The following KNL1 variants were observed in gnomAD, a reference collection of about 807,000 sequenced individuals.
The protein encoded by KNL1 is kinetochore scaffold 1.
In KNL1, 66 loss-of-function variants were observed where a neutral mutation model predicts 201.3. The observed-to-expected ratio is 0.33, with a 90% CI of 0.27 to 0.40. The LOEUF (loss-of-function observed/expected upper bound fraction) is 0.40, where lower values mean the gene tolerates loss of function less well. Among genes scored for constraint, KNL1 ranks in the 10% least tolerant of loss-of-function variants. KNL1 has a pLI of 1.00. For missense variants in KNL1, 2,815 were observed against 2,690.5 expected (o/e 1.05, Z -1.02); for synonymous variants, 895 against 899.2 (o/e 1.00, Z 0.08).
rs762937545 is a variant in KNL1, at chr15:40,622,084, G to C, written c.1820G>C (p.Ser607Thr). Reference protein sequence around the residue: ...STSESHSQSKSSSDECEEITK... With the variant: ...STSESHSQSKTSSDECEEITK... ...AGTGAATCTCACTCTCAGAGCAAAA[G>C]CTCTTCAGATGAATGTGAAGAAATT... Residue 607 changes from serine to threonine, a missense_variant, in exon 10 of 26, where the codon AGC (serine) becomes ACC (threonine). Ser to Thr is a moderately conservative substitution (Grantham distance 58, BLOSUM62 1). Coordinates refer to ENST00000399668, the MANE Select transcript of KNL1 (RefSeq NM_144508.5). The C allele has an allele frequency of 3.1e-6, 5 of 1,613,914 alleles. No homozygotes were observed. Among genetic ancestry groups the C allele is most frequent in the Non-Finnish European group, 4.2e-6 (5 of 1,179,968 alleles).
rs1307342006 is a variant in KNL1, at chr15:40,657,378, A to G, written c.6618A>G (p.Val2206=). The G allele has an allele frequency of 2.5e-6, 4 of 1,594,042 alleles. No homozygotes were observed. The South Asian group carries it at 4.4e-5, about 18-fold the overall frequency. The change falls in exon 24 of 26, where the codon GTA becomes GTG. Residue 2206 remains valine, a synonymous_variant. Coordinates refer to ENST00000399668, the MANE Select transcript of KNL1 (RefSeq NM_144508.5). ...LPKMLEEFSL[V]VHHCRLLGEE... Reference sequence around the variant, plus strand: ...AGATGCTTGAAGAATTCTCACTGGTAGTGCACCATTGCAGACTCCTTGGAG... The same window carrying G: ...AGATGCTTGAAGAATTCTCACTGGTGGTGCACCATTGCAGACTCCTTGGAG...
In KNL1 at chr15:40,628,669, C is replaced by A; in HGVS notation, c.5574C>A (p.Ser1858Arg). 1 of 1,581,824 alleles carries A rather than the reference C, an allele frequency of 6.3e-7. No individual in the cohort carries two copies. Among genetic ancestry groups the A allele is most frequent in the Non-Finnish European group, 8.6e-7 (1 of 1,158,942 alleles). The change falls in exon 12 of 26, where the codon AGC (serine) becomes AGA (arginine). Residue 1858 changes from serine to arginine, a missense_variant. Ser to Arg is a moderately radical substitution (Grantham distance 110). Around this residue, in one of 3 missense-constraint regions of KNL1, gnomAD observed 2,464 missense variants for 2,291.7 expected, o/e 1.08. Transcript: ENST00000399668. ...TCAGAGATACTATTTGTGAAGAGAGCTTGAGGGAGGTATGTTAAAATTCTT... is the reference window on the plus strand; with the variant it reads ...TCAGAGATACTATTTGTGAAGAGAGATTGAGGGAGGTATGTTAAAATTCTT... ...QFLRDTICEE[S>R]LREKLQDGRI... is the part of the protein sequence containing the mutation.
intron 14 of KNL1, 111 bp from the exon 15 acceptor site, chr15:40,644,886 C>T: frequency 1.6e-6 from 1 of 612,990 alleles, no homozygotes; most frequent in South Asian, 2.0e-5. Flanking sequence ...GTTCAAAGTA[C>T]AGGTCTTTTT....
chr15:40,599,120 A>AT (rs942727238), intron 1 of KNL1, among the ~76,000 whole-genome samples: 1 of 151,444 alleles, frequency 6.6e-6, no homozygotes, highest in African/African-American at 2.4e-5. Context: ...GAAAAAAAAA[A>AT]TTTTTTTTAA....
At chr15:40,649,290 T>C (rs1458732711) in intron 17 of KNL1, among the ~76,000 whole-genome samples, 2 of 152,032 alleles carry the variant, frequency 1.3e-5, no homozygotes, top group African/African-American at 4.8e-5. Flanking sequence ...CATTGCTATT[T>C]TTATGCAGTT....
chr15:40,662,915 AT>A lies in KNL1; in HGVS notation c.*729del, dbSNP rs1893950978. ...GCAGAGGTTGCAGTAAGCCGAGACC[AT>A]TCCACTGCACTCCAGCCTAGGCAAC... On this transcript the variant is annotated 3_prime_UTR_variant, in exon 26 of 26. Transcript: ENST00000399668. 1.1e-5 allele frequency: 2 copies of A among 180,364 alleles called. No individual in the cohort carries two copies. The highest frequency in any genetic ancestry group is 2.4e-5 in the Non-Finnish European group (2 of 84,478). 11.2% of individuals were successfully genotyped at this position (180,364 alleles called of 1,614,324 possible).
At position 40,664,154 on chromosome 15, in the gene KNL1, G is replaced by A. The variant is rs75767222; in HGVS notation, c.*1966G>A. 0.011 allele frequency: 2,076 copies of A among 183,184 alleles called. 43 individuals carry two copies. The highest frequency in any genetic ancestry group is 0.046 in the African/African-American group (1,943 of 42,620). The allele number at this position is 183,184 out of a possible 1,614,324, so 11.3% of individuals were successfully genotyped here. A position where few individuals can be genotyped will look rare whatever the true frequency, so the allele number is the denominator to read the frequency against. Reference sequence around the variant, plus strand: ...ACCTGCAACAACCAACTCTAAAAAAGATTTGGCTTGTAATGACGGTCTCTG... The same window carrying A: ...ACCTGCAACAACCAACTCTAAAAAAAATTTGGCTTGTAATGACGGTCTCTG... On this transcript the variant is annotated 3_prime_UTR_variant, in exon 26 of 26. Coordinates refer to ENST00000399668, the MANE Select transcript of KNL1 (RefSeq NM_144508.5).
At position 40,620,950 on chromosome 15, in the gene KNL1, C is replaced by G. The variant is rs1425781150; in HGVS notation, c.686C>G (p.Ala229Gly). The G allele has an allele frequency of 6.2e-7, 1 of 1,606,412 alleles. No homozygotes were observed. Among genetic ancestry groups the G allele is most frequent in the Non-Finnish European group, 8.5e-7 (1 of 1,177,982 alleles). The stretch of plus-strand genomic sequence containing the variant: ...AGATTGAAAACAGGAAAATGTAGTG[C>G]TTTTCCTGATGTGCCTGATAAAGAA... ...IKRLKTGKCS[A>G]FPDVPDKENF... Residue 229 changes from alanine (A) to glycine (G), a missense_variant, in exon 10 of 26, where the codon GCT becomes GGT. This residue lies in a region of KNL1 where 2,464 missense variants were observed against 2,291.7 expected (regional missense o/e 1.08). Coordinates refer to ENST00000399668, the MANE Select transcript of KNL1 (RefSeq NM_144508.5).
Position 40,663,561 on chromosome 15 carries a change from C to G in KNL1, c.*1373C>G, listed in dbSNP as rs780670917. On this transcript the variant is annotated 3_prime_UTR_variant, in exon 26 of 26. Transcript: ENST00000399668. ...GTTTTACAGCAAAATTTTCTATTTT[C>G]TTTTATTAAATAGTGACACGTCAAA... 5.2e-6 allele frequency: 1 copy of G among 190,576 alleles called. No homozygotes were observed. The highest frequency in any genetic ancestry group is 1.1e-5 in the Non-Finnish European group (1 of 90,830). The allele number at this position is 190,576 out of a possible 1,614,324, so 11.8% of individuals were successfully genotyped here.
In KNL1 at chr15:40,623,526, A is replaced by C. The variant is rs1350291413; in HGVS notation, c.3262A>C (p.Ile1088Leu). The C allele has an allele frequency of 6.2e-7, 1 of 1,613,456 alleles. No individual in the cohort carries two copies. The highest frequency in any genetic ancestry group is 8.5e-7 in the Non-Finnish European group (1 of 1,179,858). ...AGAGAATCATAAAAATGATATGGAT[A>C]TTACCCAGAGTTGTATGGTGGAAAT... The part of the protein sequence containing the change: ...FSENHKNDMD[I>L]TQSCMVEIDN... Residue 1088 changes from isoleucine (I) to leucine (L), a missense_variant, in exon 10 of 26, where the codon ATT becomes CTT. Coordinates refer to ENST00000399668, the MANE Select transcript of KNL1 (RefSeq NM_144508.5).
At chr15:40,650,420 C>G (rs1039622705) in intron 18 of KNL1, 42 bp downstream of exon 18, 1 of 1,563,820 alleles carries the variant, frequency 6.4e-7, no homozygotes, top group African/African-American at 1.4e-5. Context: ...GTGGGGGAAG[C>G]CCTTCTGTTC....
chr15:40,606,487 A>G (rs762494753), intron 4 of KNL1, 35 bp downstream of exon 4: 70 of 1,128,586 alleles, frequency 6.2e-5, no homozygotes, highest in Non-Finnish European at 8.8e-5. Context: ...ATAGATGACT[A>G]TTTTCAGTTA....
rs996477017 is a variant in KNL1 at position 40,663,837 on chromosome 15, T to C, written c.*1649T>C. The C allele has an allele frequency of 2.1e-5, 4 of 192,764 alleles. No homozygotes were observed. Among genetic ancestry groups the C allele is most frequent in the African/African-American group, 9.3e-5 (4 of 43,116 alleles). The allele number at this position is 192,764 out of a possible 1,614,324, so 11.9% of individuals were successfully genotyped here. ...TAATTTGTCTCAAAATTTTGCTTTA[T>C]ATTTTTGGATCAGGTTAAAGTCCTG... On this transcript the variant is annotated 3_prime_UTR_variant, in exon 26 of 26. Coordinates refer to ENST00000399668, the MANE Select transcript of KNL1 (RefSeq NM_144508.5).
chr15:40,627,989 A>G, intron 10 of KNL1, 81 bp from the exon 11 acceptor site: 1 of 881,342 alleles, frequency 1.1e-6, no homozygotes, highest in Non-Finnish European at 1.7e-6. Context: ...TGTATGTTAG[A>G]AGTAGTATTT....
intron 2 of KNL1, among the ~76,000 whole-genome samples, chr15:40,604,608 C>G (rs989026683): frequency 2.0e-5 from 3 of 152,184 alleles, no homozygotes; most frequent in African/African-American, 7.2e-5. Context: ...CTTGAAAAAT[C>G]AAGCGTGGCA....
At chr15:40,650,266 C>T in intron 17 of KNL1, 35 bp from the exon 18 acceptor site, 1 of 1,274,302 alleles carries the variant, frequency 7.8e-7, no homozygotes, top group Non-Finnish European at 1.1e-6. Context: ...TACTATTTTT[C>T]ACTGAATTAT....
intron 14 of KNL1, among the ~76,000 whole-genome samples, chr15:40,641,552 C>T (rs1013853542): frequency 1.3e-5 from 2 of 152,156 alleles, no homozygotes; most frequent in Non-Finnish European, 2.9e-5. Context: ...AAATTCCACA[C>T]ATAAATACGT....
At chr15:40,635,434 A>G (rs1893028920) in intron 13 of KNL1, among the ~76,000 whole-genome samples, 1 of 151,528 alleles carries the variant, frequency 6.6e-6, no homozygotes, top group Admixed American at 6.6e-5. Context: ...AGCTTACCGC[A>G]ACCTCCGCCT....
At chr15:40,654,319 A>G (rs1893655539) in intron 21 of KNL1, among the ~76,000 whole-genome samples, 1 of 152,122 alleles carries the variant, frequency 6.6e-6, no homozygotes, top group African/African-American at 2.4e-5. Context: ...GATTGCTGAA[A>G]ATAAAATTAT....
Sources: gnomAD v4.1 joint callset for allele counts (sites outside exome capture counted in the v4.1 genomes callset) on GRCh38, gnomAD v4.1.1 for gene constraint, gnomAD v4.1.1 regional missense constraint, MANE v1.5 for transcripts, NCBI Gene and HGNC (gene_info 2026-07-23, HGNC 2026-07-21) for gene names.